The following ZNF609 variants were observed in gnomAD, a reference collection of about 807,000 sequenced individuals.
The protein encoded by ZNF609 is zinc finger protein 609.
In ZNF609, 11 loss-of-function variants were observed where a neutral mutation model predicts 109.5. The observed-to-expected ratio is 0.10, with a 90% CI of 0.06 to 0.17. The LOEUF is 0.17. Ranked by LOEUF, ZNF609 falls within the 10% of genes least tolerant of loss-of-function variation. ZNF609 has a pLI of 1.00. For missense variants in ZNF609, 1,559 were observed against 1,772.4 expected (o/e 0.88, Z 2.16); for synonymous variants, 646 against 662.0 (o/e 0.98, Z 0.37).
chr15:64,582,198 C>T (rs557036938), intron 2 of ZNF609, among the ~76,000 whole-genome samples: 19 of 152,256 alleles, frequency 1.2e-4, no homozygotes, highest in Middle Eastern at 3.4e-3. Flanking sequence ...ATTTATGTAT[C>T]GTCTATAGCC....
intron 3 of ZNF609, among the ~76,000 whole-genome samples, chr15:64,651,990 A>G (rs76091192): frequency 0.013 from 1,994 of 152,284 alleles, 32 homozygotes; most frequent in African/African-American, 0.046. Context: ...AAATTAAAAA[A>G]AAAAAAACTT....
intron 3 of ZNF609, among the ~76,000 whole-genome samples, chr15:64,666,296 A>C (rs1249463146): frequency 6.6e-6 from 1 of 152,010 alleles, no homozygotes; most frequent in Non-Finnish European, 1.5e-5. Context: ...TGGGAGGCTG[A>C]GGCACAAGAA....
At chr15:64,609,129 T>TTTCTTTCTTTC in intron 2 of ZNF609, among the ~76,000 whole-genome samples, 1 of 80,600 alleles carries the variant, frequency 1.2e-5, no homozygotes, top group Non-Finnish European at 2.6e-5. Flanking sequence ...TCTTTCTTTC[T>TTTCTTTCTTTC]TTTTTTCTTT....
chr15:64,557,633 G>T (rs556446208), intron 2 of ZNF609, among the ~76,000 whole-genome samples: 1 of 152,290 alleles, frequency 6.6e-6, no homozygotes, highest in South Asian at 2.1e-4. Context: ...GATCAGGGTA[G>T]TGTCATGAAA....
At chr15:64,625,905 AAAAAAAAAAATATAT>A (rs1244257671) in intron 3 of ZNF609, among the ~76,000 whole-genome samples, 56 of 93,176 alleles carry the variant, frequency 6.0e-4, no homozygotes, top group Non-Finnish European at 9.5e-4. Flanking sequence ...AAAAAAAAAA[AAAAAAAAAAATATAT>A]ATATATATAT....
At chr15:64,551,382 G>A (rs1457519110) in intron 2 of ZNF609, among the ~76,000 whole-genome samples, 5 of 152,072 alleles carry the variant, frequency 3.3e-5, no homozygotes, top group East Asian at 1.9e-4. Context: ...CTTGCTTGGC[G>A]CGGTGGCTCA....
At position 64,593,331 on chromosome 15, in the gene ZNF609, G is replaced by A. The variant is rs887213957; in HGVS notation, c.748-29496G>A. ...CCCCCACCAAAGCCCATGTAAGGAG[G>A]TGAGTTCTTAAAGACTGAAGACAGG... is the stretch of plus-strand genomic sequence containing the variant. On this transcript the variant is annotated intron_variant, in intron 2 of 9. Coordinates refer to ENST00000326648, the MANE Select transcript of ZNF609 (RefSeq NM_015042.2). The A allele has an allele frequency of 3.8e-6, 5 of 1,322,174 alleles. No individual in the cohort carries two copies. The African/African-American group carries it at 5.8e-5, about 15-fold the overall frequency. 81.9% of individuals were successfully genotyped at this position (1,322,174 alleles called of 1,614,324 possible). A position where few individuals can be genotyped will look rare whatever the true frequency, so the allele number is the denominator to read the frequency against.
At chr15:64,576,594 A>G (rs1339368335) in intron 2 of ZNF609, among the ~76,000 whole-genome samples, 1 of 152,124 alleles carries the variant, frequency 6.6e-6, no homozygotes, top group Non-Finnish European at 1.5e-5. Context: ...GGAAGATGTG[A>G]TAGAGGAAAG....
At chr15:64,643,330 A>G (rs535214254) in intron 3 of ZNF609, among the ~76,000 whole-genome samples, 4 of 152,284 alleles carry the variant, frequency 2.6e-5, no homozygotes, top group South Asian at 2.1e-4. Flanking sequence ...CTCCACCTCA[A>G]CCTCTAAAGA....
Position 64,499,370 on chromosome 15 carries a change from C to T in ZNF609, c.-50C>T. On this transcript the variant is annotated 5_prime_UTR_variant, in exon 2 of 10. Coordinates refer to ENST00000326648, the MANE Select transcript of ZNF609 (RefSeq NM_015042.2). ...ATAGCTGAAGCTGAAAATAGGAAAG[C>T]TGGGGGCAAGGAAGAGCCTTGAATC... The T allele has an allele frequency of 6.3e-7, 1 of 1,579,912 alleles. No individual in the cohort carries two copies. The highest frequency in any genetic ancestry group is 8.6e-7 in the Non-Finnish European group (1 of 1,163,170).
At chr15:64,561,552 C>CTTTTTTTTTTTTTT (rs771022478) in intron 2 of ZNF609, among the ~76,000 whole-genome samples, 1 of 129,908 alleles carries the variant, frequency 7.7e-6, no homozygotes, top group Non-Finnish European at 1.7e-5. Flanking sequence ...TTTTCTTTTT[C>CTTTTTTTTTTTTTT]TTTTTTTTTT....
At chr15:64,561,532 CTTTCT>C (rs1250124922) in intron 2 of ZNF609, among the ~76,000 whole-genome samples, 31 of 144,036 alleles carry the variant, frequency 2.2e-4, no homozygotes, top group Non-Finnish European at 2.3e-4. Flanking sequence ...TAATATTTTT[CTTTCT>C]TTTCTTTTCT....
chr15:64,662,395 A>C (rs1224295387), intron 3 of ZNF609, among the ~76,000 whole-genome samples: 2 of 151,890 alleles, frequency 1.3e-5, no homozygotes, highest in African/African-American at 2.4e-5. Context: ...GCAACATCTC[A>C]ACTCATTACA....
In ZNF609 at chr15:64,675,977, G is replaced by T; in HGVS notation, c.3123G>T (p.Lys1041Asn). ...EREAALKEEW[K>N]QKPSIPPTLT... The stretch of plus-strand genomic sequence containing the variant: ...AGGCAGCACTCAAGGAAGAGTGGAA[G>T]CAAAAGCCGTCAATTCCACCAACTC... Residue 1041 changes from lysine (K) to asparagine (N), a missense_variant, in exon 5 of 10, where the codon AAG (lysine) becomes AAT (asparagine). By Grantham distance (94) the Lys-to-Asn change is moderately conservative (BLOSUM62 0). Around this residue, in one of 4 missense-constraint regions of ZNF609, gnomAD observed 1,204 missense variants for 1,314.1 expected, o/e 0.92. Transcript: ENST00000326648. 1 of 1,614,194 alleles carries T rather than the reference G, an allele frequency of 6.2e-7. No individual in the cohort carries two copies. Among genetic ancestry groups the T allele is most frequent in the South Asian group, 1.1e-5 (1 of 91,088 alleles).
chr15:64,490,291 G>A (rs75734001), intron 1 of ZNF609, among the ~76,000 whole-genome samples: 2 of 125,852 alleles, frequency 1.6e-5, no homozygotes, highest in African/African-American at 6.5e-5. Context: ...TTTTTTTTTC[G>A]AGACGGAGTT....
chr15:64,649,688 C>G (rs1330211574), intron 3 of ZNF609, among the ~76,000 whole-genome samples: 3 of 152,192 alleles, frequency 2.0e-5, no homozygotes. Flanking sequence ...ACGATGTTAT[C>G]TCTTCTAATA....
At chr15:64,598,922 T>G (rs1182498470) in intron 2 of ZNF609, among the ~76,000 whole-genome samples, 1 of 150,610 alleles carries the variant, frequency 6.6e-6, no homozygotes, top group Admixed American at 6.6e-5. Context: ...AAGTCCCTAT[T>G]GTTTTTACAT....
intron 2 of ZNF609, among the ~76,000 whole-genome samples, chr15:64,543,104 A>T (rs575010163): frequency 6.6e-6 from 1 of 152,144 alleles, no homozygotes; most frequent in African/African-American, 2.4e-5. Flanking sequence ...GGACGTGTAT[A>T]CCTATGTAAC....
At chr15:64,510,432 T>G (rs779249257) in intron 2 of ZNF609, among the ~76,000 whole-genome samples, 5 of 152,004 alleles carry the variant, frequency 3.3e-5, no homozygotes, top group African/African-American at 7.3e-5. Context: ...CTGAAACTCC[T>G]GGGCTCAAGT....
Sources: allele counts gnomAD v4.1 joint callset (sites outside exome capture counted in the v4.1 genomes callset), GRCh38; gene constraint gnomAD v4.1.1; regional missense constraint gnomAD v4.1.1; transcripts MANE v1.5; gene names NCBI Gene and HGNC (gene_info 2026-07-23, HGNC 2026-07-21).